Variants in GRTP1 observed in about 807,000 individuals in gnomAD.
The protein encoded by GRTP1 is growth hormone regulated TBC protein 1.
GRTP1 carries 56 observed loss-of-function variants against 38.1 expected under a neutral mutation model. The ratio of observed to expected loss-of-function variants is 1.47; its 90% CI spans 1.19 to 1.84. The LOEUF (loss-of-function observed/expected upper bound fraction) is 1.84. Among genes scored for constraint, GRTP1 ranks in the 40% most tolerant of loss-of-function variants. The pLI, the probability that GRTP1 is intolerant of heterozygous loss-of-function variation, is 0.00. For missense variants in GRTP1, 506 were observed against 453.9 expected (o/e 1.11, Z -1.04); for synonymous variants, 217 against 189.5 (o/e 1.14, Z -1.19).
chr13:113,351,006 T>C (rs1206904889), intron 3 of GRTP1, 33 bp from the exon 4 acceptor site: 2 of 1,610,864 alleles, frequency 1.2e-6, no homozygotes, highest in Non-Finnish European at 1.7e-6. Context: ...CACCCACGGG[T>C]TTCTGTTCCA....
chr13:113,352,270 T>TTTTATATATATTTATATATA (rs1252439063), intron 3 of GRTP1, among the ~76,000 whole-genome samples: 3 of 33,972 alleles, frequency 8.8e-5, no homozygotes, highest in African/African-American at 4.9e-4. Context: ...ATTTTTATAT[T>TTTTATATATATTTATATATA]TTTATATATA....
At chr13:113,363,633 C>G (rs765275785) in intron 2 of GRTP1, 129 bp downstream of exon 2, 1 of 967,718 alleles carries the variant, frequency 1.0e-6, no homozygotes, top group African/African-American at 1.7e-5. Flanking sequence ...TCGGAGCCCG[C>G]AGCTTCGTCC....
rs2043182301 is a variant in GRTP1 at position 113,347,630 on chromosome 13, CTGGGAGGA to C, written c.466-2679_466-2672del. ...AGGACCTCTGTGGCTGAGAGCGGAC[CTGGGAGGA>C]CCTCTGTGGCTGAGCAGATCTGGGA... On this transcript the variant is annotated intron_variant, in intron 4 of 7. Coordinates refer to ENST00000375431, the MANE Select transcript of GRTP1 (RefSeq NM_024719.4). Among the ~76,000 whole-genome samples the C allele has an allele frequency of 3.2e-5, 2 of 63,072 alleles. 1 individual carries two copies. Among genetic ancestry groups the C allele is most frequent in the African/African-American group, 1.4e-4 (2 of 14,282 alleles). 41.4% of individuals were successfully genotyped at this position (63,072 alleles called of 152,430 possible).
intron 4 of GRTP1, among the ~76,000 whole-genome samples, chr13:113,346,206 GGGAGGACCTCTGTGGCTGAGAACA>G (rs2043122153): frequency 1.5e-4 from 3 of 20,288 alleles, no homozygotes; most frequent in African/African-American, 4.3e-4. Context: ...GAGCAGACCC[GGGAGGACCTCTGTGGCTGAGAACA>G]GACCCGGGAG....
At chr13:113,339,575 G>A (rs1203083514) in intron 5 of GRTP1, 3 of 152,158 alleles carry the variant, frequency 2.0e-5, no homozygotes, top group Non-Finnish European at 4.4e-5. Flanking sequence ...GTTTTAAACA[G>A]TCTTTTTCCC....
intron 4 of GRTP1, among the ~76,000 whole-genome samples, chr13:113,346,303 TCTGTGGCAGAGAGCA>T: frequency 1.8e-5 from 1 of 54,304 alleles, no homozygotes; most frequent in Non-Finnish European, 3.2e-5. Context: ...TGGGAGGACC[TCTGTGGCAGAGAGCA>T]GACCCGGGAG....
At chr13:113,350,105 G>GCCTGC (rs1295820049) in intron 4 of GRTP1, among the ~76,000 whole-genome samples, 2 of 152,102 alleles carry the variant, frequency 1.3e-5, no homozygotes, top group Non-Finnish European at 2.9e-5. Context: ...CTGCCCAGAT[G>GCCTGC]CCTGCCCTGC....
intron 2 of GRTP1, among the ~76,000 whole-genome samples, chr13:113,358,556 A>G (rs879514293): frequency 6.6e-6 from 1 of 152,250 alleles, no homozygotes; most frequent in African/African-American, 2.4e-5. Context: ...ACCTGATTTT[A>G]TGCTTTACTA....
At chr13:113,359,226 G>A (rs1171408751) in intron 2 of GRTP1, among the ~76,000 whole-genome samples, 1 of 152,212 alleles carries the variant, frequency 6.6e-6, no homozygotes, top group African/African-American at 2.4e-5. Flanking sequence ...GTGAGCAGTG[G>A]GCTGACTTCA....
Position 113,355,443 on chromosome 13 carries a change from G to A in GRTP1, c.220C>T (p.Arg74Cys), listed in dbSNP as rs201894052. ...CTCAGCACCATCCAGACGCGGGCAC[G>A]GTGCTCCAGCGGGACCCCTTTCCGG... ...YVRKGVPLEH[R>C]ARVWMVLSGA... The change falls in exon 3 of 8, where the codon CGT becomes TGT. Residue 74 changes from arginine to cysteine, a missense_variant. Arg to Cys is a radical substitution (Grantham distance 180, BLOSUM62 -3). Transcript: ENST00000375431. The A allele has an allele frequency of 5.6e-6, 9 of 1,613,610 alleles. No individual in the cohort carries two copies. Among genetic ancestry groups the A allele is most frequent in the Non-Finnish European group, 6.8e-6 (8 of 1,179,820 alleles).
intron 4 of GRTP1, among the ~76,000 whole-genome samples, chr13:113,347,916 AAGAACGGACCTGGGAGGACCTCTGAGGCC>A (rs2043194649): frequency 1.0e-5 from 1 of 98,506 alleles, no homozygotes; most frequent in African/African-American, 4.0e-5. Context: ...CTCTGTGGCC[AAGAACGGACCTGGGAGGACCTCTGAGGCC>A]GAGAGCGGAC....
rs1285379594 is a variant in GRTP1, at chr13:113,324,578, C to G, written c.922-1G>C. On this transcript the variant is annotated splice_acceptor_variant, in intron 7 of 7. Transcript: ENST00000375431. LOFTEE classifies it high-confidence loss of function. ...AGCTTCCAGGTTCTGAAAATATTTT[C>G]TGGAAGGCAAACAGTTAGTTTAAAA... 1 of 1,602,966 alleles carries G rather than the reference C, an allele frequency of 6.2e-7. No homozygotes were observed. The highest frequency in any genetic ancestry group is 2.3e-5 in the East Asian group (1 of 44,358).
chr13:113,350,397 C>T (rs1350834587), intron 4 of GRTP1, among the ~76,000 whole-genome samples: 1 of 151,934 alleles, frequency 6.6e-6, no homozygotes, highest in South Asian at 2.1e-4. Context: ...CGACACACAC[C>T]TCACAGCACA....
chr13:113,326,799 G>T (rs946519967), intron 5 of GRTP1, among the ~76,000 whole-genome samples: 1 of 152,228 alleles, frequency 6.6e-6, no homozygotes, highest in African/African-American at 2.4e-5. Flanking sequence ...TCCGTCGGCA[G>T]ACAAGTGGAT....
intron 5 of GRTP1, among the ~76,000 whole-genome samples, chr13:113,326,388 G>GC (rs1292957085): frequency 1.2e-5 from 1 of 86,260 alleles, no homozygotes; most frequent in African/African-American, 7.3e-5. Context: ...GGGGGGGGGG[G>GC]GGGCGGGAGC....
intron 5 of GRTP1, among the ~76,000 whole-genome samples, chr13:113,330,001 G>A (rs910678825): frequency 6.6e-6 from 1 of 152,112 alleles, no homozygotes; most frequent in Admixed American, 6.5e-5. Flanking sequence ...GCCCGGGTGC[G>A]TGCATGGGAG....
intron 3 of GRTP1, among the ~76,000 whole-genome samples, chr13:113,353,001 A>C (rs2139510100): frequency 6.6e-6 from 1 of 150,698 alleles, no homozygotes; most frequent in Non-Finnish European, 1.5e-5. Flanking sequence ...AGGAGCCCAC[A>C]GCTGAAAGCA....
chr13:113,354,575 C>A (rs1367363351), intron 3 of GRTP1, among the ~76,000 whole-genome samples: 2 of 150,728 alleles, frequency 1.3e-5, no homozygotes, highest in Non-Finnish European at 2.9e-5. Flanking sequence ...GTTGCCCAGG[C>A]TGGAGTGCGG....
rs192910676 is a variant in GRTP1, at chr13:113,348,495, G to T, written c.465+2354C>A. On this transcript the variant is annotated intron_variant, in intron 4 of 7. Transcript: ENST00000375431. This position sits in a 1 kb window ranked among gnomAD's most constrained non-coding sequence, Gnocchi z 4.8. ...TGCCACACATTGAACTGTGTTGCCCGCCCCAAAATTCATCTGTTGAAGTCC... is the reference window on the plus strand; with the variant it reads ...TGCCACACATTGAACTGTGTTGCCCTCCCCAAAATTCATCTGTTGAAGTCC... Among the ~76,000 whole-genome samples the T allele has an allele frequency of 6.6e-6, 1 of 152,078 alleles. No individual in the cohort carries two copies. The highest frequency in any genetic ancestry group is 6.6e-5 in the Admixed American group (1 of 15,252).
Sources: gnomAD v4.1 joint callset for allele counts (sites outside exome capture counted in the v4.1 genomes callset) on GRCh38, gnomAD v4.1.1 for gene constraint, Gnocchi (gnomAD v3.1) non-coding constraint, MANE v1.5 for transcripts, NCBI Gene and HGNC (gene_info 2026-07-23, HGNC 2026-07-21) for gene names.